The following FRYL variants were observed in gnomAD, a reference collection of about 807,000 sequenced individuals.
FRYL encodes protein furry homolog-like.
FRYL carries 150 observed loss-of-function variants against 351.2 expected under a neutral mutation model. That is an observed-to-expected ratio of 0.43 (90% CI 0.37 to 0.49). FRYL has a LOEUF of 0.49. FRYL is among the 20% of genes least tolerant of loss of function. The probability of loss-of-function intolerance (pLI) is 0.00; values close to 1 mark genes in which losing one functional copy is unlikely to be tolerated. For synonymous variants in FRYL, 1,153 were observed against 1,257.1 expected (o/e 0.92, Z 1.75); for missense variants, 3,036 against 3,619.3 (o/e 0.84, Z 4.13).
chr4:48,652,306 T>C (rs1267732472), intron 3 of FRYL, among the ~76,000 whole-genome samples: 2 of 152,222 alleles, frequency 1.3e-5, no homozygotes, highest in Non-Finnish European at 2.9e-5. Flanking sequence ...TAAAACTGTC[T>C]TACTATTTTT....
chr4:48,722,614 CAG>C (rs1769614264), intron 1 of FRYL, among the ~76,000 whole-genome samples: 1 of 152,124 alleles, frequency 6.6e-6, no homozygotes, highest in Admixed American at 6.6e-5. Flanking sequence ...CTTCTGATCA[CAG>C]TACAAAAAAC....
In FRYL at chr4:48,547,646, T is replaced by C; in HGVS notation, c.5012A>G (p.Glu1671Gly). 3 of 1,607,230 alleles carry C rather than the reference T, an allele frequency of 1.9e-6. No homozygotes were observed. The highest frequency in any genetic ancestry group is 2.6e-6 in the Non-Finnish European group (3 of 1,175,234). The change falls in exon 41 of 64, where the codon GAG (glutamate) becomes GGG (glycine). Residue 1671 changes from glutamate (E) to glycine (G), a missense_variant. This residue lies in a region of FRYL where 1,987 missense variants were observed against 2,311.7 expected (regional missense o/e 0.86). Transcript: ENST00000358350. The part of the protein sequence containing the change: ...TVASVLLRNK[E>G]FNEPRVLTVK... ...TGTAAGCACCCTGGGCTCATTAAAC[T>C]CCTTGTTCCTGAGAAGGACAGAAGC...
chr4:48,568,119 G>T (rs373312578), intron 27 of FRYL, among the ~76,000 whole-genome samples: 11 of 152,182 alleles, frequency 7.2e-5, no homozygotes, highest in African/African-American at 2.2e-4. Flanking sequence ...ACAAAAATTT[G>T]CCGGGCATGG....
At chr4:48,726,191 T>A (rs1266362122) in intron 1 of FRYL, among the ~76,000 whole-genome samples, 4 of 152,170 alleles carry the variant, frequency 2.6e-5, no homozygotes, top group Non-Finnish European at 5.9e-5. Context: ...GGGTTAGAGA[T>A]GACAAGACAC....
intron 2 of FRYL, among the ~76,000 whole-genome samples, chr4:48,694,714 A>G (rs1434809248): frequency 6.6e-6 from 1 of 152,204 alleles, no homozygotes; most frequent in African/African-American, 2.4e-5. Context: ...CAAGTGTTAT[A>G]TTCTAGTCAT....
intron 3 of FRYL, among the ~76,000 whole-genome samples, chr4:48,655,065 A>G (rs1265960333): frequency 6.6e-6 from 1 of 152,240 alleles, no homozygotes; most frequent in African/African-American, 2.4e-5. Context: ...TTCACAGCCA[A>G]ATGGCTAGGC....
At position 48,638,690 on chromosome 4, in the gene FRYL, A is replaced by G. The variant is rs1292921196; in HGVS notation, c.-80-4200T>C. 5 of 152,226 alleles carry G rather than the reference A, an allele frequency of 3.3e-5. No individual in the cohort carries two copies. In the South Asian group the frequency reaches 6.2e-4, roughly 19 times the overall value. 9.4% of individuals were successfully genotyped at this position (152,226 alleles called of 1,614,324 possible). A position where few individuals can be genotyped will look rare whatever the true frequency, so the allele number is the denominator to read the frequency against. On this transcript the variant is annotated intron_variant, in intron 3 of 63. Coordinates refer to ENST00000358350, the MANE Select transcript of FRYL (RefSeq NM_015030.2). ...TATTGTGGCACTGTCCACGATAGCA[A>G]AGACTTGGAACCAACCCAAATGCCC...
chr4:48,686,652 C>A (rs1017180280), intron 2 of FRYL, among the ~76,000 whole-genome samples: 1 of 152,156 alleles, frequency 6.6e-6, no homozygotes, highest in African/African-American at 2.4e-5. Flanking sequence ...GAAAACAATG[C>A]AGTTTTAGGA....
chr4:48,499,619 G>T lies in FRYL; in HGVS notation c.8845C>A (p.His2949Asn), dbSNP rs1312845227. 8 of 1,613,808 alleles carry T rather than the reference G, an allele frequency of 5.0e-6. No individual in the cohort carries two copies. Among genetic ancestry groups the T allele is most frequent in the Non-Finnish European group, 6.8e-6 (8 of 1,179,796 alleles). The change falls in exon 64 of 64, where the codon CAT (histidine) becomes AAT (asparagine). Residue 2949 changes from histidine to asparagine, a missense_variant. His to Asn is a moderately conservative substitution (Grantham distance 68, BLOSUM62 1). Transcript: ENST00000358350. The stretch of plus-strand genomic sequence containing the variant: ...AGCGTCTGATGATGGAAATATATAT[G>T]TAACAGTGTCTGTACAGGGTCATCT... ...CEDDPVQTLLHIYFHHQTLGQ... is the reference protein window; with the variant it reads ...CEDDPVQTLLNIYFHHQTLGQ...
At chr4:48,703,536 C>A (rs149090077) in intron 2 of FRYL, among the ~76,000 whole-genome samples, 1 of 152,170 alleles carries the variant, frequency 6.6e-6, no homozygotes, top group African/African-American at 2.4e-5. Flanking sequence ...AGTCCAACTT[C>A]GTTTCTGCCT....
At chr4:48,722,430 A>G (rs1373931438) in intron 1 of FRYL, among the ~76,000 whole-genome samples, 1 of 152,184 alleles carries the variant, frequency 6.6e-6, no homozygotes. Context: ...AATACACACT[A>G]CTGACTTTCT....
chr4:48,546,517 G>A (rs1731364761), intron 41 of FRYL: 5 of 415,366 alleles, frequency 1.2e-5, no homozygotes, highest in Admixed American at 4.0e-5. Flanking sequence ...GTCCTCTGCC[G>A]CCATCTGCTG....
rs1578062426 is a variant in FRYL, at chr4:48,549,012, G to A, written c.4785-219C>T. 6.6e-6 allele frequency among the ~76,000 whole-genome samples: 1 copy of A among 152,150 alleles called. No homozygotes were observed. The highest frequency in any genetic ancestry group is 1.5e-5 in the Non-Finnish European group (1 of 68,016). ...AGGGCTAAGGGTTCCTTGAACTCAG[G>A]AGCCACATTTTCTTCATCTTTCAAC... On this transcript the variant is annotated intron_variant, in intron 39 of 63. Transcript: ENST00000358350. The surrounding 1 kb of genome is among the most constrained non-coding windows in gnomAD (Gnocchi z 4.2).
At chr4:48,742,486 T>C (rs1239838205) in intron 1 of FRYL, among the ~76,000 whole-genome samples, 14 of 152,186 alleles carry the variant, frequency 9.2e-5, no homozygotes, top group Admixed American at 5.9e-4. Context: ...GGACCTCTTT[T>C]CTATCTATAC....
chr4:48,572,172 C>T (rs1371093059), intron 26 of FRYL, among the ~76,000 whole-genome samples: 1 of 152,148 alleles, frequency 6.6e-6, no homozygotes, highest in Non-Finnish European at 1.5e-5. Context: ...CACTGATTCC[C>T]AAACAATGTT....
rs150994505 is a variant in FRYL, at chr4:48,697,709, C to T, written c.-204+12810G>A. Among the ~76,000 whole-genome samples, 11 of 152,250 alleles carry T rather than the reference C, an allele frequency of 7.2e-5. No homozygotes were observed. The East Asian group carries it at 1.9e-3, about 27-fold the overall frequency. On this transcript the variant is annotated intron_variant, in intron 2 of 63. Coordinates refer to ENST00000358350, the MANE Select transcript of FRYL (RefSeq NM_015030.2). ...GGTCACGCTGGTCTTAAACTCCTGACCTCAGGTGATCCACCCGCATGGGCC... is the reference window on the plus strand; with the variant it reads ...GGTCACGCTGGTCTTAAACTCCTGATCTCAGGTGATCCACCCGCATGGGCC...
chr4:48,736,850 G>GAAAAAA (rs368006420), intron 1 of FRYL, among the ~76,000 whole-genome samples: 12 of 40,580 alleles, frequency 3.0e-4, no homozygotes, highest in African/African-American at 8.8e-4. Context: ...ACTCTGTCTC[G>GAAAAAA]AAAAAAAAAA....
chr4:48,499,984 C>T (rs1183383074), intron 63 of FRYL, 46 bp downstream of exon 63: 66 of 1,289,944 alleles, frequency 5.1e-5, no homozygotes, highest in Non-Finnish European at 6.9e-5. Flanking sequence ...TACTAAACTT[C>T]CTGTCTAATT....
rs1256731136 is a variant in FRYL at position 48,648,176 on chromosome 4, T to C, written c.-80-13686A>G. ...TTATCTCACATATAGTCTCTTTCAA[T>C]AGCATCCTAACTTGTCTCCTGGCAC... On this transcript the variant is annotated intron_variant, in intron 3 of 63. Coordinates refer to ENST00000358350, the MANE Select transcript of FRYL (RefSeq NM_015030.2). 3.3e-5 allele frequency among the ~76,000 whole-genome samples: 5 copies of C among 152,296 alleles called. No individual in the cohort carries two copies. The East Asian group carries it at 7.7e-4, about 24-fold the overall frequency.
Sources: allele counts gnomAD v4.1 joint callset (sites outside exome capture counted in the v4.1 genomes callset), GRCh38; gene constraint gnomAD v4.1.1; regional missense constraint gnomAD v4.1.1; non-coding constraint Gnocchi (gnomAD v3.1); transcripts MANE v1.5; gene names NCBI Gene and HGNC (gene_info 2026-07-23, HGNC 2026-07-21).